Variants in THSD4 observed in about 807,000 individuals in gnomAD.
THSD4 encodes thrombospondin type 1 domain containing 4.
A neutral mutation model predicts 119.0 loss-of-function variants in THSD4; 69 were observed. That is an observed-to-expected ratio of 0.58 (90% CI 0.48 to 0.71). The LOEUF is 0.71. Among genes scored for constraint, THSD4 ranks in the 30% least tolerant of loss-of-function variants. The probability of loss-of-function intolerance (pLI) is 0.00; values close to 1 mark genes in which losing one functional copy is unlikely to be tolerated. For missense variants in THSD4, 1,393 were observed against 1,391.1 expected (o/e 1.00, Z -0.02); for synonymous variants, 524 against 540.4 (o/e 0.97, Z 0.42).
rs373288292 is a variant in THSD4, at chr15:71,735,654, GTCTC to G, written c.1631-2071_1631-2068del. On this transcript the variant is annotated intron_variant, in intron 10 of 17. Transcript: ENST00000261862. ...TCTCTTGCTGTCTCTCTTGCTCTCT[GTCTC>G]TCTCTCGTTCTCTGTCTCTCTCACT... Among the ~76,000 whole-genome samples the G allele has an allele frequency of 4.9e-5, 7 of 141,702 alleles. No homozygotes were observed. The East Asian group carries it at 1.3e-3, about 27-fold the overall frequency. 93.0% of individuals were successfully genotyped at this position (141,702 alleles called of 152,430 possible).
chr15:71,531,893 C>T (rs2048614745), intron 7 of THSD4, among the ~76,000 whole-genome samples: 1 of 152,284 alleles, frequency 6.6e-6, no homozygotes, highest in African/African-American at 2.4e-5. Flanking sequence ...GCATTAGAAT[C>T]CCTTGTGAAC....
chr15:71,631,067 C>T (rs2050618886), intron 7 of THSD4, among the ~76,000 whole-genome samples: 1 of 152,288 alleles, frequency 6.6e-6, no homozygotes, highest in East Asian at 1.9e-4. Flanking sequence ...CAAGATCTCC[C>T]CGCAGTTGAG....
chr15:71,656,786 T>C (rs903549155), intron 7 of THSD4, among the ~76,000 whole-genome samples: 2 of 152,242 alleles, frequency 1.3e-5, no homozygotes, highest in Non-Finnish European at 2.9e-5. Context: ...TTCTAAGTCT[T>C]AGTTTCCTAT....
At chr15:71,114,710 T>C (rs912195904), upstream of THSD4, among the ~76,000 whole-genome samples, 1 of 152,216 alleles carries the variant, frequency 6.6e-6, no homozygotes, top group African/African-American at 2.4e-5. Context: ...AAAGTTTGAT[T>C]TTTATCATTA....
chr15:71,194,007 G>T (rs780500956), intron 3 of THSD4, among the ~76,000 whole-genome samples: 3 of 152,152 alleles, frequency 2.0e-5, no homozygotes, highest in Non-Finnish European at 2.9e-5. Context: ...CACCGCGCCC[G>T]GCCTGAGATC....
chr15:71,140,037 T>G (rs62016788), intron 1 of THSD4, among the ~76,000 whole-genome samples: 3,129 of 152,358 alleles, frequency 0.021, 49 homozygotes, highest in Non-Finnish European at 0.033. Flanking sequence ...AAATTTTGTT[T>G]AGTGAGGGCT....
In THSD4 at chr15:71,630,282, A is replaced by C. The variant is rs114735475; in HGVS notation, c.1153-30248A>C. On this transcript the variant is annotated intron_variant, in intron 7 of 17. Coordinates refer to ENST00000261862, the MANE Select transcript of THSD4 (RefSeq NM_024817.3). The stretch of plus-strand genomic sequence containing the variant: ...TCCAGGGAGGGGAAACGGGGATGCT[A>C]AATTGGCACAGAGCTCTGCTCTGTC... Among the ~76,000 whole-genome samples, 205 of 152,268 alleles carry C rather than the reference A, an allele frequency of 1.3e-3. 1 individual carries two copies. The highest frequency in any genetic ancestry group is 4.5e-3 in the African/African-American group (187 of 41,558).
intron 6 of THSD4, among the ~76,000 whole-genome samples, chr15:71,284,702 C>A (rs1002455754): frequency 2.0e-5 from 3 of 152,092 alleles, no homozygotes; most frequent in Admixed American, 6.5e-5. Context: ...ATTAGCTCTT[C>A]TTTGCAATGG....
At chr15:71,762,182 GATAGAGATACACACAC>G (rs1218658548) in intron 15 of THSD4, among the ~76,000 whole-genome samples, 1 of 117,110 alleles carries the variant, frequency 8.5e-6, no homozygotes, top group Non-Finnish European at 1.9e-5. Flanking sequence ...CACACACAGA[GATAGAGATACACACAC>G]ATGAACACAT....
At chr15:71,775,060 C>T (rs751613184) in intron 17 of THSD4, among the ~76,000 whole-genome samples, 2 of 151,710 alleles carry the variant, frequency 1.3e-5, no homozygotes, top group Non-Finnish European at 2.9e-5. Flanking sequence ...GCAGGAGAAT[C>T]GCTTGAACCC....
intron 7 of THSD4, among the ~76,000 whole-genome samples, chr15:71,554,684 CCA>C: frequency 6.6e-6 from 1 of 151,984 alleles, no homozygotes; most frequent in African/African-American, 2.4e-5. Context: ...GTGTGAGCCA[CCA>C]CACCCAGCCT....
chr15:71,475,619 G>A (rs979876125), intron 7 of THSD4, among the ~76,000 whole-genome samples: 1 of 152,144 alleles, frequency 6.6e-6, no homozygotes, highest in Non-Finnish European at 1.5e-5. Flanking sequence ...CAGGTGTTAG[G>A]GAGTAAGCAT....
At chr15:71,489,169 G>T (rs2047871942) in intron 7 of THSD4, among the ~76,000 whole-genome samples, 1 of 152,168 alleles carries the variant, frequency 6.6e-6, no homozygotes, top group Non-Finnish European at 1.5e-5. Flanking sequence ...TGACTATGTA[G>T]CCAAAAAATA....
At chr15:71,146,194 A>T (rs554472695) in intron 2 of THSD4, among the ~76,000 whole-genome samples, 23 of 152,328 alleles carry the variant, frequency 1.5e-4, no homozygotes, top group Middle Eastern at 3.4e-3. Flanking sequence ...AACTTAAAAC[A>T]CATGTACATC....
intron 6 of THSD4, among the ~76,000 whole-genome samples, chr15:71,325,185 A>G (rs1287751639): frequency 6.6e-6 from 1 of 152,212 alleles, no homozygotes; most frequent in Non-Finnish European, 1.5e-5. Context: ...GATGTGGGTT[A>G]TGTATAGATT....
intron 7 of THSD4, among the ~76,000 whole-genome samples, chr15:71,475,766 G>A (rs1187586605): frequency 6.6e-6 from 1 of 151,936 alleles, no homozygotes; most frequent in Non-Finnish European, 1.5e-5. Flanking sequence ...CTACAAAATC[G>A]TTTTTTAAAA....
intron 4 of THSD4, among the ~76,000 whole-genome samples, chr15:71,220,827 T>C (rs1567161541): frequency 6.6e-6 from 1 of 152,102 alleles, no homozygotes; most frequent in Non-Finnish European, 1.5e-5. Flanking sequence ...AAGACCCTAG[T>C]GTCTGTGCTC....
At chr15:71,425,840 G>A (rs2046859856) in intron 7 of THSD4, among the ~76,000 whole-genome samples, 1 of 152,222 alleles carries the variant, frequency 6.6e-6, no homozygotes, top group Non-Finnish European at 1.5e-5. Context: ...GTTGAGTGCA[G>A]ATGAAACAAG....
chr15:71,277,254 G>C (rs1185647278), intron 6 of THSD4, among the ~76,000 whole-genome samples: 1 of 151,178 alleles, frequency 6.6e-6, no homozygotes, highest in African/African-American at 2.4e-5. Flanking sequence ...GCCTCCCGAG[G>C]AGCTGGGATT....
Sources: allele counts gnomAD v4.1 joint callset (sites outside exome capture counted in the v4.1 genomes callset), GRCh38; gene constraint gnomAD v4.1.1; transcripts MANE v1.5; gene names NCBI Gene and HGNC (gene_info 2026-07-23, HGNC 2026-07-21).